GPC5: variants seen among roughly 807,000 people sequenced by gnomAD.
The protein encoded by GPC5 is glypican 5.
A neutral mutation model predicts 53.9 loss-of-function variants in GPC5; 47 were observed. The observed-to-expected ratio is 0.87, with a 90% CI of 0.69 to 1.11. The LOEUF (loss-of-function observed/expected upper bound fraction) is 1.11. Ranked by LOEUF, GPC5 falls within the 50% of genes most tolerant of loss-of-function variation. The pLI is 0.00. For missense variants in GPC5, 748 were observed against 713.1 expected (o/e 1.05, Z -0.56); for synonymous variants, 286 against 263.3 (o/e 1.09, Z -0.84).
chr13:91,568,117 T>C (rs913128102), intron 2 of GPC5, among the ~76,000 whole-genome samples: 5 of 152,190 alleles, frequency 3.3e-5, no homozygotes, highest in Non-Finnish European at 7.3e-5. Context: ...CCACTAGCCA[T>C]GTGGAAGTAG....
At chr13:91,962,396 G>T (rs971693153) in intron 6 of GPC5, among the ~76,000 whole-genome samples, 3 of 152,048 alleles carry the variant, frequency 2.0e-5, no homozygotes, top group African/African-American at 7.2e-5. Flanking sequence ...AATATTTCCT[G>T]ACTTAAAGAT....
intron 7 of GPC5, among the ~76,000 whole-genome samples, chr13:92,526,225 A>G (rs1881276112): frequency 6.6e-6 from 1 of 152,150 alleles, no homozygotes; most frequent in East Asian, 1.9e-4. Flanking sequence ...ATATTGCAAG[A>G]AAGTGGAAGG....
intron 6 of GPC5, among the ~76,000 whole-genome samples, chr13:91,992,128 C>G (rs964602995): frequency 6.6e-6 from 1 of 152,072 alleles, no homozygotes; most frequent in African/African-American, 2.4e-5. Context: ...ACCTTGAACT[C>G]CTGGGCTCAA....
intron 7 of GPC5, among the ~76,000 whole-genome samples, chr13:92,394,725 T>C (rs946601253): frequency 6.7e-6 from 1 of 148,828 alleles, no homozygotes; most frequent in Non-Finnish European, 1.5e-5. Flanking sequence ...TTTAAACAAA[T>C]TAAAAGAGAA....
chr13:92,092,201 T>C (rs1427782026), intron 6 of GPC5, among the ~76,000 whole-genome samples: 2 of 152,224 alleles, frequency 1.3e-5, no homozygotes, highest in Non-Finnish European at 2.9e-5. Context: ...ATACCTCTTA[T>C]GCATACTGCA....
chr13:92,222,373 CAG>C (rs1287691906), intron 7 of GPC5, among the ~76,000 whole-genome samples: 2 of 152,078 alleles, frequency 1.3e-5, no homozygotes, highest in African/African-American at 4.8e-5. Context: ...TGATTAAACA[CAG>C]AGATGCACAT....
At chr13:92,398,507 A>C (rs1440448287) in intron 7 of GPC5, among the ~76,000 whole-genome samples, 2 of 151,306 alleles carry the variant, frequency 1.3e-5, no homozygotes, top group Non-Finnish European at 2.9e-5. Context: ...AATTTTACTC[A>C]TTATTTCTGC....
chr13:92,706,102 G>C (rs1349072337), intron 7 of GPC5: 2 of 151,924 alleles, frequency 1.3e-5, no homozygotes, highest in Admixed American at 6.6e-5. Flanking sequence ...ACCCAGCCTA[G>C]AAGTAGTCCA....
At chr13:91,928,312 C>T (rs2039788142) in intron 6 of GPC5, among the ~76,000 whole-genome samples, 1 of 152,156 alleles carries the variant, frequency 6.6e-6, no homozygotes, top group Non-Finnish European at 1.5e-5. Context: ...CCTGCTCTCA[C>T]ATAGATTCAA....
chr13:92,557,289 C>T (rs1184562439), intron 7 of GPC5, among the ~76,000 whole-genome samples: 2 of 151,778 alleles, frequency 1.3e-5, no homozygotes, highest in Non-Finnish European at 2.9e-5. Flanking sequence ...TCTGTCTTAC[C>T]ATGTTGATGT....
At chr13:92,144,585 C>A (rs1212264907) in intron 6 of GPC5, among the ~76,000 whole-genome samples, 1 of 152,104 alleles carries the variant, frequency 6.6e-6, no homozygotes, top group African/African-American at 2.4e-5. Flanking sequence ...TCATTTGCTT[C>A]CCAAAGAATC....
At chr13:92,504,068 G>C (rs920024469) in intron 7 of GPC5, among the ~76,000 whole-genome samples, 5 of 151,804 alleles carry the variant, frequency 3.3e-5, no homozygotes, top group African/African-American at 7.2e-5. Context: ...CATACAATTG[G>C]AAAGGAAGAA....
intron 7 of GPC5, among the ~76,000 whole-genome samples, chr13:92,708,109 G>A (rs878928738): frequency 2.0e-5 from 3 of 152,076 alleles, no homozygotes; most frequent in Admixed American, 1.3e-4. Context: ...TATTTCTGTA[G>A]AATCAGCATG....
intron 7 of GPC5, among the ~76,000 whole-genome samples, chr13:92,632,116 T>G (rs1010202333): frequency 4.6e-5 from 7 of 152,102 alleles, no homozygotes; most frequent in African/African-American, 1.7e-4. Flanking sequence ...AATAAATATT[T>G]ACACACAAAA....
At chr13:91,750,259 C>A (rs1257475570) in intron 4 of GPC5, among the ~76,000 whole-genome samples, 3 of 152,112 alleles carry the variant, frequency 2.0e-5, no homozygotes, top group Non-Finnish European at 2.9e-5. Flanking sequence ...TTCAGATGAG[C>A]AACATTTTTC....
intron 5 of GPC5, among the ~76,000 whole-genome samples, chr13:91,893,559 A>G (rs2039410480): frequency 6.6e-6 from 1 of 152,088 alleles, no homozygotes; most frequent in Admixed American, 6.6e-5. Flanking sequence ...ACAACTAAAG[A>G]TCTTATAGCT....
At chr13:92,054,149 G>GGTGTGT (rs141324926) in intron 6 of GPC5, among the ~76,000 whole-genome samples, 16 of 146,042 alleles carry the variant, frequency 1.1e-4, no homozygotes, top group African/African-American at 3.0e-4. Context: ...ACTTTGGAGG[G>GGTGTGT]GTGTGTGTGT....
chr13:91,758,340 G>C (rs1051698170), intron 5 of GPC5, among the ~76,000 whole-genome samples: 1 of 151,866 alleles, frequency 6.6e-6, no homozygotes, highest in African/African-American at 2.4e-5. Flanking sequence ...TTTTTACAAA[G>C]ACTAATGAGA....
chr13:91,541,579 T>A (rs1168402555), intron 2 of GPC5, among the ~76,000 whole-genome samples: 1 of 152,068 alleles, frequency 6.6e-6, no homozygotes, highest in South Asian at 2.1e-4. Flanking sequence ...CTTAAAGAGG[T>A]ATTTTCACCT....
Sources: gnomAD v4.1 joint callset for allele counts (sites outside exome capture counted in the v4.1 genomes callset) on GRCh38, gnomAD v4.1.1 for gene constraint, MANE v1.5 for transcripts, NCBI Gene and HGNC (gene_info 2026-07-23, HGNC 2026-07-21) for gene names.